The following NTM variants were observed in gnomAD, a reference collection of about 807,000 sequenced individuals.
The protein encoded by NTM is IgLON family member 2.
Under a neutral mutation model 42.1 loss-of-function variants are expected in NTM, and 13 were observed. The ratio of observed to expected loss-of-function variants is 0.31; its 90% confidence interval spans 0.20 to 0.49. NTM has a LOEUF of 0.49. NTM is among the 20% of genes least tolerant of loss of function. The probability of loss-of-function intolerance (pLI) is 0.99; values close to 1 mark genes in which losing one functional copy is unlikely to be tolerated. For missense variants in NTM, 373 were observed against 452.8 expected (o/e 0.82, Z 1.60); for synonymous variants, 187 against 179.2 (o/e 1.04, Z -0.35).
intron 5 of NTM, 116 bp downstream of exon 5, chr11:132,307,939 G>A: frequency 1.1e-6 from 1 of 944,566 alleles, no homozygotes; most frequent in Non-Finnish European, 1.5e-6. Flanking sequence ...GAAGAATGCA[G>A]CACCACTTTC....
At chr11:132,011,382 C>A (rs1478571981) in intron 2 of NTM, among the ~76,000 whole-genome samples, 1 of 152,156 alleles carries the variant, frequency 6.6e-6, no homozygotes, top group Non-Finnish European at 1.5e-5. Flanking sequence ...AGGGTTCATG[C>A]ATCTCTGTTA....
intron 4 of NTM, among the ~76,000 whole-genome samples, chr11:132,294,096 C>T (rs962994867): frequency 8.5e-5 from 13 of 152,174 alleles, no homozygotes; most frequent in African/African-American, 2.2e-4. Context: ...ATGGTTAAGG[C>T]TAACACCTCC....
At chr11:131,440,562 A>G (rs1427524985) in intron 1 of NTM, among the ~76,000 whole-genome samples, 1 of 151,954 alleles carries the variant, frequency 6.6e-6, no homozygotes, top group Admixed American at 6.6e-5. Flanking sequence ...CTGCCCCTTC[A>G]CACTTTCTGA....
intron 2 of NTM, among the ~76,000 whole-genome samples, chr11:132,110,396 C>T (rs1476718456): frequency 1.3e-5 from 2 of 152,196 alleles, no homozygotes; most frequent in African/African-American, 2.4e-5. Flanking sequence ...GGACAGTTGC[C>T]TCTCCGGAGA....
chr11:131,424,600 C>CTTTTTTTTTTTTTTCTT (rs1947890565), intron 1 of NTM, among the ~76,000 whole-genome samples: 1 of 56,052 alleles, frequency 1.8e-5, no homozygotes, highest in African/African-American at 7.3e-5. Flanking sequence ...CTTTTCTTTT[C>CTTTTTTTTTTTTTTCTT]TTTTTTTTTT....
intron 1 of NTM, among the ~76,000 whole-genome samples, chr11:131,808,053 T>C (rs2092586279): frequency 6.6e-6 from 1 of 152,210 alleles, no homozygotes; most frequent in Non-Finnish European, 1.5e-5. Flanking sequence ...GCGGTAATGA[T>C]TCACAAGCCT....
At chr11:131,475,488 CTGA>C (rs1162731020) in intron 1 of NTM, among the ~76,000 whole-genome samples, 1 of 151,546 alleles carries the variant, frequency 6.6e-6, no homozygotes, top group Non-Finnish European at 1.5e-5. Flanking sequence ...AAAAATTGCC[CTGA>C]GGAGGAGGAG....
At chr11:131,800,505 G>T (rs2092009228) in intron 1 of NTM, among the ~76,000 whole-genome samples, 1 of 152,232 alleles carries the variant, frequency 6.6e-6, no homozygotes, top group South Asian at 2.1e-4. Context: ...ATAGGCTAAA[G>T]AAATTGCATG....
At chr11:131,596,522 C>T (rs1402537344) in intron 1 of NTM, among the ~76,000 whole-genome samples, 2 of 152,240 alleles carry the variant, frequency 1.3e-5, no homozygotes, top group African/African-American at 4.8e-5. Context: ...CTGGGTTTTC[C>T]TCCTCTGCCG....
At chr11:131,984,725 G>A (rs897512982) in intron 2 of NTM, 1 of 152,092 alleles carries the variant, frequency 6.6e-6, no homozygotes, top group Non-Finnish European at 1.5e-5. Context: ...AGTATCATAA[G>A]CTTCTTCCCT....
chr11:131,596,057 G>A (rs1015644110), intron 1 of NTM, among the ~76,000 whole-genome samples: 1 of 152,148 alleles, frequency 6.6e-6, no homozygotes, highest in Non-Finnish European at 1.5e-5. Context: ...AGTGTGACCG[G>A]GACAGTGTTT....
At chr11:131,625,746 C>T (rs990622524) in intron 1 of NTM, among the ~76,000 whole-genome samples, 1 of 152,186 alleles carries the variant, frequency 6.6e-6, no homozygotes, top group African/African-American at 2.4e-5. Context: ...CACAGGTTAA[C>T]CTCCAACTTG....
At chr11:131,765,332 CT>C (rs1484923701) in intron 1 of NTM, among the ~76,000 whole-genome samples, 1 of 152,068 alleles carries the variant, frequency 6.6e-6, no homozygotes, top group Non-Finnish European at 1.5e-5. Context: ...GCATATCAAA[CT>C]CCCCTCCTCT....
chr11:131,874,040 TATATATA>T (rs1565659581), intron 1 of NTM, among the ~76,000 whole-genome samples: 1 of 34,088 alleles, frequency 2.9e-5, no homozygotes, highest in African/African-American at 2.6e-4. Context: ...AATATATATA[TATATATA>T]TATATATATA....
intron 1 of NTM, among the ~76,000 whole-genome samples, chr11:131,504,311 A>G (rs1395290662): frequency 7.2e-5 from 11 of 152,090 alleles, no homozygotes; most frequent in Non-Finnish European, 2.9e-5. Flanking sequence ...TCTGGAGAAA[A>G]CATAAACACC....
chr11:132,179,272 T>A (rs1161626829), intron 3 of NTM, among the ~76,000 whole-genome samples: 2 of 152,212 alleles, frequency 1.3e-5, no homozygotes, highest in African/African-American at 4.8e-5. Flanking sequence ...AAATTTGTTA[T>A]GTAAAGATTG....
At chr11:132,194,271 G>A (rs1478053941) in intron 3 of NTM, among the ~76,000 whole-genome samples, 1 of 152,086 alleles carries the variant, frequency 6.6e-6, no homozygotes, top group Non-Finnish European at 1.5e-5. Flanking sequence ...AATTTACCAT[G>A]ATGAAGTAGG....
At chr11:131,655,837 C>A (rs1368174865) in intron 1 of NTM, among the ~76,000 whole-genome samples, 3 of 152,260 alleles carry the variant, frequency 2.0e-5, no homozygotes, top group Non-Finnish European at 2.9e-5. Flanking sequence ...AAATTCTAGT[C>A]TCCACTGGAA....
intron 1 of NTM, among the ~76,000 whole-genome samples, chr11:131,502,287 G>A (rs954153335): frequency 6.6e-6 from 1 of 152,062 alleles, no homozygotes; most frequent in African/African-American, 2.4e-5. Flanking sequence ...GAGAGAGAGA[G>A]TCCTTGCTGC....
Sources: allele counts gnomAD v4.1 joint callset (sites outside exome capture counted in the v4.1 genomes callset), GRCh38; gene constraint gnomAD v4.1.1; transcripts MANE v1.5; gene names NCBI Gene and HGNC (gene_info 2026-07-23, HGNC 2026-07-21).